Variants in TP73 observed in about 807,000 individuals in gnomAD.
The protein encoded by TP73 is p53-like transcription factor.
In TP73, 25 loss-of-function variants were observed where a neutral mutation model predicts 62.5. That is an observed-to-expected ratio of 0.40 (90% CI 0.29 to 0.56). TP73 has a LOEUF of 0.56. Ranked by LOEUF, TP73 falls within the 20% of genes least tolerant of loss-of-function variation. The pLI is 0.46. For synonymous variants in TP73, 423 were observed against 377.5 expected, an observed-to-expected ratio of 1.12 and a Z score of -1.40; for missense variants, 754 against 913.3, an observed-to-expected ratio of 0.83 and a Z score of 2.25.
chr1:3,661,851 TTA>T (rs896743099), intron 1 of TP73, among the ~76,000 whole-genome samples: 1 of 147,780 alleles, frequency 6.8e-6, no homozygotes, highest in Admixed American at 6.8e-5. Flanking sequence ...AATATATGTA[TTA>T]TATATATACA....
At chr1:3,654,320 G>A (rs551752409) in intron 1 of TP73, among the ~76,000 whole-genome samples, 16 of 152,292 alleles carry the variant, frequency 1.1e-4, no homozygotes, top group African/African-American at 3.6e-4. Flanking sequence ...AGAATGGCTC[G>A]GGATGTGAGC....
intron 4 of TP73, among the ~76,000 whole-genome samples, chr1:3,710,550 T>G (rs1640051851): frequency 6.6e-6 from 1 of 152,132 alleles, no homozygotes; most frequent in Non-Finnish European, 1.5e-5. Flanking sequence ...GGCTGGTAAC[T>G]GATAGATAAT....
chr1:3,697,613 C>T (rs921070362), intron 3 of TP73, among the ~76,000 whole-genome samples: 1 of 152,356 alleles, frequency 6.6e-6, no homozygotes, highest in Non-Finnish European at 1.5e-5. Flanking sequence ...CATGGAGGGC[C>T]GGGGTCGTGT....
At position 3,733,488 on chromosome 1, in the gene TP73, G is replaced by A. The variant is rs1027756373; in HGVS notation, c.*409G>A. 2 of 239,398 alleles carry A rather than the reference G, an allele frequency of 8.4e-6. No individual in the cohort carries two copies. The highest frequency in any genetic ancestry group is 1.6e-5 in the Non-Finnish European group (2 of 121,524). The allele number at this position is 239,398 out of a possible 1,614,324, so 14.8% of individuals were successfully genotyped here. A position where few individuals can be genotyped will look rare whatever the true frequency, so the allele number is the denominator to read the frequency against. Reference sequence around the variant, plus strand: ...AAAGGAAAGGATCCTCTTTGCTGATGGACTGCCAAAAAGTATTTTGCGACA... The same window carrying A: ...AAAGGAAAGGATCCTCTTTGCTGATAGACTGCCAAAAAGTATTTTGCGACA... On this transcript the variant is annotated 3_prime_UTR_variant, in exon 14 of 14. Transcript: ENST00000378295.
chr1:3,700,460 G>T (rs1023301294), intron 3 of TP73, among the ~76,000 whole-genome samples: 1 of 152,032 alleles, frequency 6.6e-6, no homozygotes, highest in Non-Finnish European at 1.5e-5. Context: ...AGTGGACTAG[G>T]GGGGAACAGG....
chr1:3,682,939 A>C, intron 2 of TP73, 121 bp from the exon 3 acceptor site: 1 of 1,328,508 alleles, frequency 7.5e-7, no homozygotes, highest in Non-Finnish European at 1.0e-6. Context: ...GGGAATGGGA[A>C]GGGCAGGAGA....
At chr1:3,668,665 C>T (rs1280756274) in intron 1 of TP73, 1 of 152,138 alleles carries the variant, frequency 6.6e-6, no homozygotes, top group Non-Finnish European at 1.5e-5. Flanking sequence ...ATGAGACGGT[C>T]TCATAGGTGG....
At position 3,682,965 on chromosome 1, in the gene TP73, G is replaced by A. The variant is rs1645559592; in HGVS notation, c.66-95G>A. 3.4e-6 allele frequency: 5 copies of A among 1,486,652 alleles called. No individual in the cohort carries two copies. In the African/African-American group the frequency reaches 7.0e-5, roughly 21 times the overall value. The allele number at this position is 1,486,652 out of a possible 1,614,324, so 92.1% of individuals were successfully genotyped here. On this transcript the variant is annotated intron_variant, in intron 2 of 13. Coordinates refer to ENST00000378295, the MANE Select transcript of TP73 (RefSeq NM_005427.4). ...GGGCAGGAGACGTAGGCCTCACCAG[G>A]AGTCTCAGGCTAGCCTTGAGCTCTG...
intron 3 of TP73, among the ~76,000 whole-genome samples, chr1:3,704,882 G>A (rs1008966832): frequency 2.0e-5 from 3 of 152,188 alleles, no homozygotes; most frequent in African/African-American, 4.8e-5. Flanking sequence ...CTGGCAGCTC[G>A]CCGGTGCCCA....
At chr1:3,720,772 G>A (rs548386915) in intron 4 of TP73, among the ~76,000 whole-genome samples, 16 of 152,344 alleles carry the variant, frequency 1.1e-4, no homozygotes, top group African/African-American at 3.8e-4. Context: ...AGTACTGGTG[G>A]CCAGTGGGGG....
At chr1:3,674,289 G>T (rs889412659) in intron 1 of TP73, among the ~76,000 whole-genome samples, 1 of 152,184 alleles carries the variant, frequency 6.6e-6, no homozygotes, top group Admixed American at 6.5e-5. Flanking sequence ...CCCGCTTCCC[G>T]TGGGCCACGG....
chr1:3,726,901 C>CGATGGATGGATGGATGGATGGATGGATG (rs57315521), intron 6 of TP73, among the ~76,000 whole-genome samples: 1 of 147,474 alleles, frequency 6.8e-6, no homozygotes, highest in African/African-American at 2.5e-5. Context: ...TAAATGGGTT[C>CGATGGATGGATGGATGGATGGATGGATG]GATGGATGGA....
intron 4 of TP73, among the ~76,000 whole-genome samples, chr1:3,720,367 A>G (rs1640973369): frequency 6.6e-6 from 1 of 152,074 alleles, no homozygotes; most frequent in Non-Finnish European, 1.5e-5. Flanking sequence ...CAGTGGAGCC[A>G]CTCTGGCTCC....
At chr1:3,721,204 G>A (rs1007966384) in intron 4 of TP73, among the ~76,000 whole-genome samples, 6 of 152,240 alleles carry the variant, frequency 3.9e-5, no homozygotes, top group Non-Finnish European at 5.9e-5. Flanking sequence ...ATGGGCAGCC[G>A]GGCCCTGTGA....
intron 3 of TP73, among the ~76,000 whole-genome samples, chr1:3,706,517 G>T (rs1004378891): frequency 1.3e-5 from 2 of 151,898 alleles, no homozygotes; most frequent in Non-Finnish European, 2.9e-5. Context: ...CCGGGGAGAG[G>T]GGGGTAAAGG....
chr1:3,681,014 T>A (rs1304216842), intron 1 of TP73, among the ~76,000 whole-genome samples: 2 of 152,226 alleles, frequency 1.3e-5, no homozygotes, highest in African/African-American at 4.8e-5. Flanking sequence ...GATGGAGCGG[T>A]CACGCCCACC....
At chr1:3,732,687 G>A (rs958043500) in intron 13 of TP73, 60 bp from the exon 14 acceptor site, 75 of 1,469,948 alleles carry the variant, frequency 5.1e-5, no homozygotes, top group Non-Finnish European at 6.2e-5. Flanking sequence ...GGCCCAGGGC[G>A]ACCCCCCCTG....
intron 4 of TP73, among the ~76,000 whole-genome samples, chr1:3,716,380 G>GCCTCTCATCTGCCTGGC (rs1640598026): frequency 6.6e-6 from 1 of 152,238 alleles, no homozygotes; most frequent in Non-Finnish European, 1.5e-5. Flanking sequence ...GCTCGCTTGG[G>GCCTCTCATCTGCCTGGC]CCTCTCATCT....
intron 1 of TP73, among the ~76,000 whole-genome samples, chr1:3,676,947 AC>A (rs35300479): frequency 1.3e-5 from 2 of 150,310 alleles, no homozygotes; most frequent in Non-Finnish European, 3.0e-5. Context: ...GCACCCTCTG[AC>A]CCCGTGGAAA....
Sources: gnomAD v4.1 joint callset for allele counts (sites outside exome capture counted in the v4.1 genomes callset) on GRCh38, gnomAD v4.1.1 for gene constraint, MANE v1.5 for transcripts, NCBI Gene and HGNC (gene_info 2026-07-23, HGNC 2026-07-21) for gene names.